UGT2A2: variants seen among roughly 807,000 people sequenced by gnomAD.
The protein encoded by UGT2A2 is UDP glucuronosyltransferase family 2 member A2.
Under a neutral mutation model 50.7 loss-of-function variants are expected in UGT2A2, and 60 were observed. The ratio of observed to expected loss-of-function variants is 1.18; its 90% CI spans 0.96 to 1.47. UGT2A2 has a LOEUF of 1.47. Ranked by LOEUF, UGT2A2 falls within the 40% of genes most tolerant of loss-of-function variation. The pLI is 0.00. For missense variants in UGT2A2, 762 were observed against 634.0 expected, an observed-to-expected ratio of 1.20 and a Z score of -2.17; for synonymous variants, 242 against 214.6, an observed-to-expected ratio of 1.13 and a Z score of -1.11.
intron 1 of UGT2A2, among the ~76,000 whole-genome samples, chr4:69,601,170 T>C (rs1233957590): frequency 6.6e-6 from 1 of 152,172 alleles, no homozygotes; most frequent in Non-Finnish European, 1.5e-5. Flanking sequence ...ATGTGGATTC[T>C]TCTGTGCAGC....
chr4:69,604,919 A>G (rs1244558858), intron 1 of UGT2A2, among the ~76,000 whole-genome samples: 1 of 136,950 alleles, frequency 7.3e-6, no homozygotes, highest in Middle Eastern at 3.8e-3. Context: ...AGATTCATAA[A>G]GCAAGTCCTT....
At chr4:69,623,549 A>G (rs1171839600) in intron 1 of UGT2A2, among the ~76,000 whole-genome samples, 2 of 151,364 alleles carry the variant, frequency 1.3e-5, no homozygotes, top group Non-Finnish European at 3.0e-5. Context: ...TTTAAAATAT[A>G]AAATAATATT....
At chr4:69,609,466 G>T (rs1719900224) in intron 1 of UGT2A2, among the ~76,000 whole-genome samples, 1 of 152,056 alleles carries the variant, frequency 6.6e-6, no homozygotes, top group South Asian at 2.1e-4. Context: ...AAAGAGCTGG[G>T]ATTACAGGTG....
chr4:69,591,916 C>T (rs1577939301), intron 5 of UGT2A2, among the ~76,000 whole-genome samples: 1 of 152,078 alleles, frequency 6.6e-6, no homozygotes, highest in South Asian at 2.1e-4. Flanking sequence ...AAGCTCCTAA[C>T]CCACCACTTA....
At chr4:69,599,503 T>C in intron 1 of UGT2A2, 109 bp from the exon 2 acceptor site, 1 of 1,470,094 alleles carries the variant, frequency 6.8e-7, no homozygotes, top group South Asian at 1.3e-5. Flanking sequence ...AAAACTGAAT[T>C]AGGTCTTCTA....
rs10006049 is a variant in UGT2A2, at chr4:69,628,108, C to A, written c.742+10791G>T. The stretch of plus-strand genomic sequence containing the variant: ...CAATGTCAAGAAGCATTTCCCTATG[C>A]TTTCTTCCAGGGTTTTTGTGGTTTT... On this transcript the variant is annotated intron_variant, in intron 1 of 5. Transcript: ENST00000604629. Among the ~76,000 whole-genome samples the A allele has an allele frequency of 2.0e-5, 3 of 151,642 alleles. No individual in the cohort carries two copies. In the East Asian group the frequency reaches 5.8e-4, roughly 30 times the overall value.
chr4:69,631,977 C>T (rs1387429379), intron 1 of UGT2A2, among the ~76,000 whole-genome samples: 1 of 152,068 alleles, frequency 6.6e-6, no homozygotes, highest in Non-Finnish European at 1.5e-5. Context: ...AATATAAGCA[C>T]CACAGTTTGT....
At chr4:69,620,319 G>A (rs906114343) in intron 1 of UGT2A2, among the ~76,000 whole-genome samples, 4 of 141,292 alleles carry the variant, frequency 2.8e-5, no homozygotes, top group Non-Finnish European at 6.3e-5. Context: ...AAAAATCACT[G>A]CCATTCCTAT....
rs1412453515 is a variant in UGT2A2, at chr4:69,589,559, A to T, written c.1424T>A (p.Met475Lys). 16 of 1,614,122 alleles carry T rather than the reference A, an allele frequency of 9.9e-6. No homozygotes were observed. The highest frequency in any genetic ancestry group is 1.3e-5 in the African/African-American group (1 of 75,046). The change falls in exon 6 of 6, where the codon ATG (methionine) becomes AAG (lysine). Residue 475 changes from methionine to lysine, a missense_variant. Coordinates refer to ENST00000604629, the MANE Select transcript of UGT2A2 (RefSeq NM_001105677.2). ...DRAVFWIEFV[M>K]RHKGAKHLRV... ...AAGGTGCTTGGCTCCTTTGTGGCGC[A>T]TGACAAACTCGATCCAGAAGACTGC... is the stretch of plus-strand genomic sequence containing the variant.
At position 69,589,577 on chromosome 4, in the gene UGT2A2, A is replaced by G. The variant is rs764218838; in HGVS notation, c.1406T>C (p.Phe469Ser). 2.5e-6 allele frequency: 4 copies of G among 1,613,948 alleles called. No individual in the cohort carries two copies. Among genetic ancestry groups the G allele is most frequent in the Middle Eastern group, 1.6e-4 (1 of 6,076 alleles). ...GTGGCGCATGACAAACTCGATCCAG[A>G]AGACTGCTCGATCCAGGGGCTTTAC... ...QPVKPLDRAV[F>S]WIEFVMRHKG... The change falls in exon 6 of 6, where the codon TTC (phenylalanine) becomes TCC (serine). Residue 469 changes from phenylalanine (F) to serine (S), a missense_variant. Transcript: ENST00000604629.
In UGT2A2 at chr4:69,589,297, T is replaced by G; in HGVS notation, c.*75A>C. On this transcript the variant is annotated 3_prime_UTR_variant, in exon 6 of 6. Coordinates refer to ENST00000604629, the MANE Select transcript of UGT2A2 (RefSeq NM_001105677.2). ...ACGTGTTTTTGTTAAACTCCTTTTG[T>G]CTGGAATTAATAGGACTACACTACT... The G allele has an allele frequency of 7.0e-7, 1 of 1,422,678 alleles. No individual in the cohort carries two copies. The highest frequency in any genetic ancestry group is 9.2e-7 in the Non-Finnish European group (1 of 1,081,646). 88.1% of individuals were successfully genotyped at this position (1,422,678 alleles called of 1,614,324 possible). A position where few individuals can be genotyped will look rare whatever the true frequency, so the allele number is the denominator to read the frequency against.
intron 1 of UGT2A2, among the ~76,000 whole-genome samples, chr4:69,608,962 T>G (rs1185148102): frequency 1.3e-5 from 2 of 152,132 alleles, no homozygotes; most frequent in Non-Finnish European, 2.9e-5. Flanking sequence ...TTTTTTAATT[T>G]CATAGTAGAA....
intron 3 of UGT2A2, 96 bp downstream of exon 3, chr4:69,596,154 A>T: frequency 1.5e-6 from 2 of 1,361,508 alleles, no homozygotes; most frequent in Non-Finnish European, 1.9e-6. Context: ...CTCAGTGTAT[A>T]ATGAGTTTTG....
In UGT2A2 at chr4:69,594,608, A is replaced by C. The variant is rs1462381312; in HGVS notation, c.1200T>G (p.Val400=). ...AIYHGVPMVG[V]PMFADQPDNI... ...TATCAGGCTGATCAGCAAACATGGG[A>C]ACTCCCACCATAGGGACTCCGTGGT... Residue 400 remains valine, a synonymous_variant, in exon 5 of 6, where the codon GTT becomes GTG. Coordinates refer to ENST00000604629, the MANE Select transcript of UGT2A2 (RefSeq NM_001105677.2). 1.2e-6 allele frequency: 2 copies of C among 1,613,994 alleles called. No homozygotes were observed. The highest frequency in any genetic ancestry group is 1.7e-6 in the Non-Finnish European group (2 of 1,180,042).
chr4:69,627,491 T>G (rs1447191203), intron 1 of UGT2A2, among the ~76,000 whole-genome samples: 19 of 129,238 alleles, frequency 1.5e-4, no homozygotes, highest in African/African-American at 5.7e-4. Flanking sequence ...CAGGCAGGCA[T>G]GCAGGAAGGA....
chr4:69,633,371 G>C (rs1389525931), intron 1 of UGT2A2, among the ~76,000 whole-genome samples: 1 of 152,148 alleles, frequency 6.6e-6, no homozygotes, highest in Non-Finnish European at 1.5e-5. Context: ...ATGGCTAGTA[G>C]GTTTACTAGT....
At chr4:69,625,737 C>A (rs1237431860) in intron 1 of UGT2A2, among the ~76,000 whole-genome samples, 1 of 151,342 alleles carries the variant, frequency 6.6e-6, no homozygotes, top group Non-Finnish European at 1.5e-5. Flanking sequence ...AAATACAGAG[C>A]AACTGCTAAA....
chr4:69,604,303 T>C (rs1157210162), intron 1 of UGT2A2, among the ~76,000 whole-genome samples: 1 of 131,058 alleles, frequency 7.6e-6, no homozygotes, highest in African/African-American at 3.1e-5. Flanking sequence ...CAGAATTTCA[T>C]ATCTAGCCAA....
intron 1 of UGT2A2, among the ~76,000 whole-genome samples, chr4:69,612,092 C>T (rs1333519124): frequency 6.6e-6 from 1 of 151,980 alleles, no homozygotes. Context: ...TGACACTAGC[C>T]TCAAAGCCTT....
Sources: allele counts gnomAD v4.1 joint callset (sites outside exome capture counted in the v4.1 genomes callset), GRCh38; gene constraint gnomAD v4.1.1; transcripts MANE v1.5; gene names NCBI Gene and HGNC (gene_info 2026-07-23, HGNC 2026-07-21).